FRMPD3: variants seen among roughly 807,000 people sequenced by gnomAD.
The protein encoded by FRMPD3 is FERM and PDZ domain containing 3.
Under a neutral mutation model 97.9 loss-of-function variants are expected in FRMPD3, and 42 were observed. The observed-to-expected ratio is 0.43, with a 90% CI of 0.34 to 0.55. The LOEUF (loss-of-function observed/expected upper bound fraction) is 0.55. Among genes scored for constraint, FRMPD3 ranks in the 20% least tolerant of loss-of-function variants. FRMPD3 has a pLI of 0.03. For synonymous variants in FRMPD3, 577 were observed against 581.1 expected (o/e 0.99, Z 0.10); for missense variants, 1,303 against 1,457.7 (o/e 0.89, Z 1.73).
At chrX:107,472,520 TAAA>T (rs77634223) in intron 1 of FRMPD3, among the ~76,000 whole-genome samples, 3 of 95,262 alleles carry the variant, frequency 3.1e-5, no homozygotes, top group Non-Finnish European at 4.2e-5. Context: ...GAGGCTCCCA[TAAA>T]AAAAAAAAAA....
intron 12 of FRMPD3, among the ~76,000 whole-genome samples, chrX:107,568,928 A>G (rs868648543): frequency 1.6e-4 from 17 of 105,962 alleles, no homozygotes; most frequent in African/African-American, 5.8e-4. Flanking sequence ...AGAGAGAGAG[A>G]GGGAGAGAGA....
intron 4 of FRMPD3, among the ~76,000 whole-genome samples, chrX:107,539,743 T>C (rs1326914436): frequency 1.8e-5 from 2 of 111,628 alleles, no homozygotes; most frequent in Admixed American, 1.9e-4. Flanking sequence ...ACTAATATAT[T>C]TTATGCCATG....
At position 107,604,979 on chromosome X, in the gene FRMPD3, G is replaced by C. The variant is rs1230923866; in HGVS notation, c.*1606G>C. 9.1e-6 allele frequency: 1 copy of C among 109,791 alleles called. No homozygotes were observed. The highest frequency in any genetic ancestry group is 1.9e-5 in the Non-Finnish European group (1 of 52,725). The allele number at this position is 109,791 out of a possible 1,213,427, so 9.0% of individuals were successfully genotyped here. A position where few individuals can be genotyped will look rare whatever the true frequency, so the allele number is the denominator to read the frequency against. On this transcript the variant is annotated 3_prime_UTR_variant, in exon 15 of 15. Transcript: ENST00000683843. ...CAGGACCAAGTTGTTGAATGGGCCA[G>C]AGATGCAGCCAGTGGGGAATCCTTT...
chrX:107,477,486 T>TA (rs1245594456), intron 1 of FRMPD3, among the ~76,000 whole-genome samples: 1 of 112,709 alleles, frequency 8.9e-6, no homozygotes, highest in Non-Finnish European at 1.9e-5. Context: ...TGGGTAATGA[T>TA]AAACTATGAA....
chrX:107,517,486 G>A (rs755854054), intron 1 of FRMPD3, among the ~76,000 whole-genome samples: 1 of 111,918 alleles, frequency 8.9e-6, no homozygotes, highest in African/African-American at 3.2e-5. Flanking sequence ...ATGGCCGGGC[G>A]TGGTGGCTCA....
intron 1 of FRMPD3, among the ~76,000 whole-genome samples, chrX:107,488,822 C>CT (rs369822926): frequency 9.0e-6 from 1 of 110,777 alleles, no homozygotes; most frequent in African/African-American, 3.3e-5. Context: ...TCAAGAACTT[C>CT]TTTTTTTTAA....
At chrX:107,475,539 G>A (rs1002698663) in intron 1 of FRMPD3, among the ~76,000 whole-genome samples, 15 of 112,439 alleles carry the variant, frequency 1.3e-4, no homozygotes, top group Admixed American at 1.2e-3. Context: ...ATTTGAGGAT[G>A]GGCAGATAAT....
At chrX:107,553,052 C>A in intron 7 of FRMPD3, 126 bp downstream of exon 7, 2 of 740,636 alleles carry the variant, frequency 2.7e-6, no homozygotes, top group Non-Finnish European at 3.8e-6. Context: ...AGTTCTCACC[C>A]AAAGCTGGTA....
chrX:107,538,400 A>G (rs1371207394), intron 4 of FRMPD3, among the ~76,000 whole-genome samples: 3 of 109,935 alleles, frequency 2.7e-5, no homozygotes, highest in Admixed American at 1.9e-4. Context: ...CTGTGTTCAC[A>G]GCAGGCACTT....
rs1379229727 is a variant in FRMPD3, at chrX:107,601,479, G to A, written c.3440G>A (p.Cys1147Tyr). 5 of 1,168,796 alleles carry A rather than the reference G, an allele frequency of 4.3e-6. No homozygotes were observed. In the East Asian group the frequency reaches 1.3e-4, roughly 30 times the overall value. The change falls in exon 15 of 15, where the codon TGC (cysteine) becomes TAC (tyrosine). Residue 1147 changes from cysteine to tyrosine, a missense_variant. Physicochemically the swap from Cys to Tyr is radical, Grantham distance 194. Coordinates refer to ENST00000683843, the MANE Select transcript of FRMPD3 (RefSeq NM_001388459.1). ...SCQSRSHSPS[C>Y]QPHGHSPSSQ... The stretch of plus-strand genomic sequence containing the variant: ...CAGTCAAGAAGCCACAGCCCCAGCT[G>A]CCAGCCTCATGGCCACAGCCCCAGC...
chrX:107,484,246 C>T (rs1447162496), intron 1 of FRMPD3, among the ~76,000 whole-genome samples: 1 of 112,506 alleles, frequency 8.9e-6, no homozygotes, highest in African/African-American at 3.2e-5. Context: ...AGGCAAACTG[C>T]CCAACCCAGT....
chrX:107,571,538 C>T (rs1004629276), intron 12 of FRMPD3, among the ~76,000 whole-genome samples: 3 of 111,532 alleles, frequency 2.7e-5, no homozygotes, highest in Non-Finnish European at 5.6e-5. Flanking sequence ...TGTGCTTGGC[C>T]CTCTCTGTGC....
intron 6 of FRMPD3, among the ~76,000 whole-genome samples, chrX:107,551,961 C>A (rs1921884983): frequency 8.9e-6 from 1 of 112,151 alleles, no homozygotes; most frequent in Non-Finnish European, 1.9e-5. Flanking sequence ...GTTTTATATT[C>A]CCAAGCTTGA....
chrX:107,529,430 C>T (rs1224655431), intron 2 of FRMPD3, among the ~76,000 whole-genome samples: 4 of 110,254 alleles, frequency 3.6e-5, no homozygotes, highest in Non-Finnish European at 7.6e-5. Context: ...ACTAAAAATA[C>T]AAAAATTAGC....
rs182643702 is a variant in FRMPD3, at chrX:107,502,722, T to C, written c.-7-23860T>C. Among the ~76,000 whole-genome samples the C allele has an allele frequency of 4.9e-4, 55 of 112,198 alleles. 1 individual carries two copies. The Admixed American group carries it at 5.1e-3, about 10-fold the overall frequency. On this transcript the variant is annotated intron_variant, in intron 1 of 14. Coordinates refer to ENST00000683843, the MANE Select transcript of FRMPD3 (RefSeq NM_001388459.1). ...CCCTTGACAAATCTTCATAGAGAAA[T>C]GGCCTGGGAATGGAGAGGGGCATTG...
At chrX:107,474,272 G>C (rs1275107141) in intron 1 of FRMPD3, among the ~76,000 whole-genome samples, 2 of 111,714 alleles carry the variant, frequency 1.8e-5, no homozygotes, top group Non-Finnish European at 3.8e-5. Flanking sequence ...TAGCTGCAGA[G>C]AAGGAAGAGC....
intron 7 of FRMPD3, among the ~76,000 whole-genome samples, 186 bp downstream of exon 7, chrX:107,553,112 A>G (rs1467715136): frequency 1.8e-5 from 2 of 110,455 alleles, no homozygotes; most frequent in Non-Finnish European, 3.8e-5. Flanking sequence ...AGCTGAGAAG[A>G]GCATGAAGAT....
chrX:107,540,925 T>G lies in FRMPD3; in HGVS notation c.298-4812T>G, dbSNP rs190319689. Reference sequence around the variant, plus strand: ...GCACGTTTTAAAAACAGCTGGTTAGTGCATGGTTATGAATTAGTGCAGAGG... The same window carrying G: ...GCACGTTTTAAAAACAGCTGGTTAGGGCATGGTTATGAATTAGTGCAGAGG... On this transcript the variant is annotated intron_variant, in intron 4 of 14. Coordinates refer to ENST00000683843, the MANE Select transcript of FRMPD3 (RefSeq NM_001388459.1). Among the ~76,000 whole-genome samples, 46 of 112,668 alleles carry G rather than the reference T, an allele frequency of 4.1e-4. 1 individual carries two copies. The highest frequency in any genetic ancestry group is 1.4e-3 in the African/African-American group (45 of 31,128).
chrX:107,454,716 T>C lies in FRMPD3; in HGVS notation c.-8+4711T>C, dbSNP rs187237158. ...GGGTGATACCTGATTGCCTGTGGGA[T>C]AAATTTCAGCCTCCTTAGCCTGGCA... On this transcript the variant is annotated intron_variant, in intron 1 of 14. Transcript: ENST00000683843. Among the ~76,000 whole-genome samples, 108 of 112,392 alleles carry C rather than the reference T, an allele frequency of 9.6e-4. 2 individuals carry two copies. Among genetic ancestry groups the C allele is most frequent in the African/African-American group, 3.3e-3 (102 of 30,986 alleles).
Sources: allele counts gnomAD v4.1 joint callset (sites outside exome capture counted in the v4.1 genomes callset), GRCh38; gene constraint gnomAD v4.1.1; transcripts MANE v1.5; gene names NCBI Gene and HGNC (gene_info 2026-07-23, HGNC 2026-07-21).